The following INAVA variants were observed in gnomAD, a reference collection of about 807,000 sequenced individuals.
INAVA encodes the protein innate immunity activator, also known as innate immunity activator protein.
A neutral mutation model predicts 55.3 loss-of-function variants in INAVA; 32 were observed. The ratio of observed to expected loss-of-function variants is 0.58; its 90% CI spans 0.44 to 0.78. The LOEUF (loss-of-function observed/expected upper bound fraction) is 0.78. Among genes scored for constraint, INAVA ranks in the 30% least tolerant of loss-of-function variants. The pLI is 0.00. For synonymous variants in INAVA, 294 were observed against 329.4 expected (o/e 0.89, Z 1.16); for missense variants, 756 against 786.4 (o/e 0.96, Z 0.46).
intron 9 of INAVA, 109 bp from the exon 10 acceptor site, chr1:200,913,428 T>G: frequency 2.6e-6 from 2 of 781,490 alleles, no homozygotes; most frequent in Non-Finnish European, 4.3e-6. Context: ...TGCTGCTGCT[T>G]CTGCTGGTCA....
chr1:200,894,323 G>A (rs867291), upstream of INAVA, among the ~76,000 whole-genome samples: 78,273 of 151,794 alleles, frequency 0.52, 21,247 homozygotes, highest in African/African-American at 0.67. Flanking sequence ...ACCCTTGGGG[G>A]ACAATGTCTG....
At chr1:200,897,137 G>A (rs927058267) in intron 1 of INAVA, among the ~76,000 whole-genome samples, 3 of 152,180 alleles carry the variant, frequency 2.0e-5, no homozygotes, top group Non-Finnish European at 2.9e-5. Flanking sequence ...TAGCTGAGCC[G>A]ACACAATGGG....
intron 5 of INAVA, among the ~76,000 whole-genome samples, chr1:200,902,211 G>GACT (rs1432716287): frequency 1.3e-5 from 2 of 152,222 alleles, no homozygotes; most frequent in Non-Finnish European, 2.9e-5. Flanking sequence ...TTTTTGCCAA[G>GACT]ACTACTCCTC....
In INAVA at chr1:200,908,627, C is replaced by T; in HGVS notation, c.575-103C>T. Reference sequence around the variant, plus strand: ...GGCCTGCAGCAGCTGCACAAGCCAGCATGGGAGGGAGAGCGGCGAGGCATG... The same window carrying T: ...GGCCTGCAGCAGCTGCACAAGCCAGTATGGGAGGGAGAGCGGCGAGGCATG... On this transcript the variant is annotated intron_variant, in intron 6 of 9. Coordinates refer to ENST00000413687, the MANE Select transcript of INAVA (RefSeq NM_001142569.3). 3.1e-6 allele frequency: 3 copies of T among 975,556 alleles called. No individual in the cohort carries two copies. In the South Asian group the frequency reaches 5.1e-5, roughly 17 times the overall value. The allele number at this position is 975,556 out of a possible 1,614,324, so 60.4% of individuals were successfully genotyped here.
Position 200,908,722 on chromosome 1 carries a change from T to G in INAVA, c.575-8T>G, listed in dbSNP as rs41299637. The G allele has an allele frequency of 0.25, 391,259 of 1,544,700 alleles. 53,289 individuals are homozygous for G. Among genetic ancestry groups the G allele is most frequent in the Non-Finnish European group, 0.29 (327,210 of 1,146,428 alleles). On this transcript the variant is annotated splice_polypyrimidine_tract_variant and splice_region_variant and intron_variant, in intron 6 of 9. Coordinates refer to ENST00000413687, the MANE Select transcript of INAVA (RefSeq NM_001142569.3). The stretch of plus-strand genomic sequence containing the variant: ...TCTGGCCTTACCAGGTTTCTTTTAC[T>G]CCTGCAGAGGAATCCCAAGTGCCAA...
intron 5 of INAVA, among the ~76,000 whole-genome samples, chr1:200,901,369 C>T (rs1653247396): frequency 6.6e-6 from 1 of 152,336 alleles, no homozygotes; most frequent in South Asian, 2.1e-4. Flanking sequence ...TAGAAAACAC[C>T]CTACTCTCTC....
At chr1:200,904,719 G>A (rs976886093) in intron 5 of INAVA, among the ~76,000 whole-genome samples, 1 of 149,078 alleles carries the variant, frequency 6.7e-6, no homozygotes, top group Non-Finnish European at 1.5e-5. Flanking sequence ...TCAGAAACCT[G>A]AATCTTTTTT....
rs1157575048 is a variant in INAVA, at chr1:200,911,185, TGA to T, written c.960-267_960-266del. On this transcript the variant is annotated intron_variant, in intron 8 of 9. Transcript: ENST00000413687. ...TAAAAAAAGTACTTAATGTGCTACT[TGA>T]TGTAGCACACTTTACACGAATCACA... 2.9e-3 allele frequency among the ~76,000 whole-genome samples: 439 copies of T among 151,942 alleles called. 2 individuals are homozygous for T. Among genetic ancestry groups the T allele is most frequent in the African/African-American group, 1.0e-2 (412 of 41,400 alleles).
chr1:200,903,850 C>A (rs1384469651), intron 5 of INAVA, among the ~76,000 whole-genome samples: 1 of 150,838 alleles, frequency 6.6e-6, no homozygotes, highest in Non-Finnish European at 1.5e-5. Context: ...ACCCAAAAAC[C>A]GAAATAAAAA....
intron 9 of INAVA, among the ~76,000 whole-genome samples, chr1:200,912,818 G>A (rs1571875328): frequency 6.6e-6 from 1 of 152,180 alleles, no homozygotes; most frequent in South Asian, 2.1e-4. Flanking sequence ...TGCATGGTAA[G>A]CGCTAGATAT....
At chr1:200,913,493 C>T in intron 9 of INAVA, 44 bp from the exon 10 acceptor site, 1 of 1,508,850 alleles carries the variant, frequency 6.6e-7, no homozygotes, top group Non-Finnish European at 9.2e-7. Context: ...CGCTTTTCTG[C>T]CTGGTTCATT....
chr1:200,894,821 A>C, upstream of INAVA: 7 of 985,422 alleles, frequency 7.1e-6, no homozygotes, highest in Non-Finnish European at 7.2e-6. Flanking sequence ...GTTGCACGGG[A>C]TTAGTTCAGG....
upstream of INAVA, chr1:200,891,610 G>C (rs779202127): frequency 2.6e-6 from 4 of 1,555,620 alleles, no homozygotes; most frequent in Admixed American, 5.6e-5. Flanking sequence ...TCGGGGGGAG[G>C]GAAGATGGCC....
chr1:200,905,486 G>A (rs562434998), intron 5 of INAVA, among the ~76,000 whole-genome samples: 2 of 152,188 alleles, frequency 1.3e-5, no homozygotes, highest in Non-Finnish European at 2.9e-5. Context: ...AGGAGGTCAA[G>A]GCTGCAGTGA....
At position 200,901,151 on chromosome 1, in the gene INAVA, T is replaced by C; in HGVS notation, c.512T>C (p.Leu171Pro). 2 of 1,510,770 alleles carry C rather than the reference T, an allele frequency of 1.3e-6. No individual in the cohort carries two copies. The highest frequency in any genetic ancestry group is 1.8e-6 in the Non-Finnish European group (2 of 1,131,168). 93.6% of individuals were successfully genotyped at this position (1,510,770 alleles called of 1,614,324 possible). ...SEPPPAAALP[L>P]GRELSASDDS... ...CCACCTCCGGCTGCTGCTCTCCCCC[T>C]GGGCCGAGGTGAGCCGGCTGCCCTG... The change falls in exon 5 of 10, where the codon CTG (leucine) becomes CCG (proline). Residue 171 changes from leucine (L) to proline (P), a missense_variant. Physicochemically the swap from Leu to Pro is moderately conservative, Grantham distance 98. Coordinates refer to ENST00000413687, the MANE Select transcript of INAVA (RefSeq NM_001142569.3).
Position 200,901,177 on chromosome 1 carries a change from A to AG in INAVA, c.520+24dup. 1.3e-6 allele frequency: 2 copies of AG among 1,489,358 alleles called. No homozygotes were observed. The highest frequency in any genetic ancestry group is 1.3e-5 in the South Asian group (1 of 78,084). The allele number at this position is 1,489,358 out of a possible 1,614,324, so 92.3% of individuals were successfully genotyped here. ...GGGCCGAGGTGAGCCGGCTGCCCTG[A>AG]GGGGGGCCATGCTCCTTAAATGAGC... On this transcript the variant is annotated intron_variant, in intron 5 of 9. Coordinates refer to ENST00000413687, the MANE Select transcript of INAVA (RefSeq NM_001142569.3).
At chr1:200,904,943 G>C (rs1653420437) in intron 5 of INAVA, among the ~76,000 whole-genome samples, 1 of 152,080 alleles carries the variant, frequency 6.6e-6, no homozygotes, top group Non-Finnish European at 1.5e-5. Context: ...ATGGGATCTT[G>C]CTATATTGCC....
intron 4 of INAVA, among the ~76,000 whole-genome samples, chr1:200,900,699 C>G (rs1358041247): frequency 1.3e-5 from 2 of 152,216 alleles, no homozygotes; most frequent in Non-Finnish European, 2.9e-5. Flanking sequence ...CCCGGTTCAG[C>G]AGGTGGGCTG....
intron 4 of INAVA, 92 bp downstream of exon 4, chr1:200,900,312 C>T: frequency 8.7e-7 from 1 of 1,154,032 alleles, no homozygotes; most frequent in Non-Finnish European, 1.3e-6. Context: ...GGCAGGTTCC[C>T]TTCCACCCTT....
Sources: allele counts gnomAD v4.1 joint callset (sites outside exome capture counted in the v4.1 genomes callset), GRCh38; gene constraint gnomAD v4.1.1; transcripts MANE v1.5; gene names NCBI Gene and HGNC (gene_info 2026-07-23, HGNC 2026-07-21).